Variants in PPP5C observed in about 807,000 individuals in gnomAD.
The protein encoded by PPP5C is serine/threonine-protein phosphatase 5.
A neutral mutation model predicts 66.7 loss-of-function variants in PPP5C; 21 were observed. The ratio of observed to expected loss-of-function variants is 0.31; its 90% CI spans 0.22 to 0.45. The LOEUF is 0.45. PPP5C is among the 20% of genes least tolerant of loss of function. The pLI is 1.00. For synonymous variants in PPP5C, 246 were observed against 257.4 expected, an observed-to-expected ratio of 0.96 and a Z score of 0.43; for missense variants, 464 against 675.9, an observed-to-expected ratio of 0.69 and a Z score of 3.48.
rs769047891 is a variant in PPP5C at position 46,353,996 on chromosome 19, T to C, written c.363+7T>C. On this transcript the variant is annotated splice_region_variant and intron_variant, in intron 2 of 12. Coordinates refer to ENST00000012443, the MANE Select transcript of PPP5C (RefSeq NM_006247.4). The stretch of plus-strand genomic sequence containing the variant: ...GCTGCGAGACTACGAGACGGTGAGC[T>C]GGGGAGTGGGCCAGGCCTGGCACCT... 6.2e-7 allele frequency: 1 copy of C among 1,610,470 alleles called. No homozygotes were observed. Among genetic ancestry groups the C allele is most frequent in the South Asian group, 1.1e-5 (1 of 90,512 alleles).
At chr19:46,385,960 AAAGT>A (rs1972877740) in intron 7 of PPP5C, among the ~76,000 whole-genome samples, 2 of 70,376 alleles carry the variant, frequency 2.8e-5, no homozygotes, top group South Asian at 7.2e-4. Flanking sequence ...AAAAAAAAAA[AAAGT>A]AAGAAACTTG....
intron 11 of PPP5C, among the ~76,000 whole-genome samples, chr19:46,389,256 A>G (rs975293905): frequency 1.3e-5 from 2 of 151,796 alleles, no homozygotes; most frequent in South Asian, 2.1e-4. Context: ...CCCGGGAGGT[A>G]GAGGTTGCAG....
In PPP5C at chr19:46,388,473, C is replaced by G; in HGVS notation, c.1176+25C>G. On this transcript the variant is annotated intron_variant, in intron 10 of 12. Coordinates refer to ENST00000012443, the MANE Select transcript of PPP5C (RefSeq NM_006247.4). The surrounding 1 kb of genome is among the most constrained non-coding windows in gnomAD (Gnocchi z 4.9). ...GGTGAGTCTAGGGTGGGGTGCAGGGCCGGCGGGTGTGGGCTGTGGCAGCAG... is the reference window on the plus strand; with the variant it reads ...GGTGAGTCTAGGGTGGGGTGCAGGGGCGGCGGGTGTGGGCTGTGGCAGCAG... The G allele has an allele frequency of 6.2e-7, 1 of 1,610,628 alleles. No individual in the cohort carries two copies. The highest frequency in any genetic ancestry group is 8.5e-7 in the Non-Finnish European group (1 of 1,177,568).
intron 2 of PPP5C, among the ~76,000 whole-genome samples, chr19:46,359,331 G>A (rs1972341414): frequency 6.6e-6 from 1 of 152,128 alleles, no homozygotes; most frequent in Non-Finnish European, 1.5e-5. Flanking sequence ...AGTAAAACAA[G>A]AAGATTAGTA....
chr19:46,362,182 C>T (rs987690705), intron 2 of PPP5C, among the ~76,000 whole-genome samples: 1 of 152,150 alleles, frequency 6.6e-6, no homozygotes, highest in Non-Finnish European at 1.5e-5. Context: ...AATTTTAACT[C>T]TTAGTGACCG....
chr19:46,353,866 C>T lies in PPP5C; in HGVS notation c.240C>T (p.Tyr80=), dbSNP rs542401677. The T allele has an allele frequency of 1.4e-5, 23 of 1,609,662 alleles. No individual in the cohort carries two copies. The highest frequency in any genetic ancestry group is 1.1e-4 in the African/African-American group (8 of 75,010). The part of the protein sequence containing the change: ...LAYLRTECYG[Y]ALGDATRAIE... Reference sequence around the variant, plus strand: ...ACCTGCGCACTGAGTGCTATGGCTACGCGCTGGGAGACGCCACGCGGGCCA... The same window carrying T: ...ACCTGCGCACTGAGTGCTATGGCTATGCGCTGGGAGACGCCACGCGGGCCA... Residue 80 remains tyrosine, a synonymous_variant, in exon 2 of 13, where the codon TAC becomes TAT. Transcript: ENST00000012443.
intron 1 of PPP5C, among the ~76,000 whole-genome samples, chr19:46,349,164 C>T (rs1022265749): frequency 4.6e-5 from 7 of 151,972 alleles, no homozygotes; most frequent in African/African-American, 1.7e-4. Flanking sequence ...TGTGGTGGCA[C>T]ACACCTGTAG....
Position 46,388,783 on chromosome 19 carries a change from T to G in PPP5C, c.1355+52T>G. On this transcript the variant is annotated intron_variant, in intron 11 of 12. Transcript: ENST00000012443. This position sits in a 1 kb window ranked among gnomAD's most constrained non-coding sequence, Gnocchi z 4.9. Reference sequence around the variant, plus strand: ...GCCTCTACCAAGCCACGGGTTTTTGTCTTGGTTTTTGTTTTGCCTTTTTAT... The same window carrying G: ...GCCTCTACCAAGCCACGGGTTTTTGGCTTGGTTTTTGTTTTGCCTTTTTAT... 1 of 1,574,788 alleles carries G rather than the reference T, an allele frequency of 6.4e-7. No individual in the cohort carries two copies. The highest frequency in any genetic ancestry group is 1.2e-5 in the South Asian group (1 of 86,494).
intron 2 of PPP5C, among the ~76,000 whole-genome samples, chr19:46,357,740 G>GA (rs1402840512): frequency 6.6e-6 from 1 of 152,220 alleles, no homozygotes; most frequent in Non-Finnish European, 1.5e-5. Context: ...CTGCTACAAA[G>GA]GATACAGATG....
intron 2 of PPP5C, 43 bp from the exon 3 acceptor site, chr19:46,375,561 C>T: frequency 3.1e-6 from 5 of 1,608,144 alleles, no homozygotes; most frequent in South Asian, 1.1e-5. Flanking sequence ...CCGCTGTGCC[C>T]CCACCTCAGC....
In PPP5C at chr19:46,383,714, C is replaced by A; in HGVS notation, c.700-66C>A. 7.5e-7 allele frequency: 1 copy of A among 1,329,530 alleles called. No individual in the cohort carries two copies. The highest frequency in any genetic ancestry group is 1.1e-6 in the Non-Finnish European group (1 of 925,812). 82.4% of individuals were successfully genotyped at this position (1,329,530 alleles called of 1,614,324 possible). ...TACTGTGAACTCTTACCCTTCCCCT[C>A]ACCTCTGCCCCCTCCCCACGTCTCT... On this transcript the variant is annotated intron_variant, in intron 5 of 12. Transcript: ENST00000012443. This position sits in a 1 kb window ranked among gnomAD's most constrained non-coding sequence, Gnocchi z 5.0.
chr19:46,387,127 C>T lies in PPP5C; in HGVS notation c.939C>T (p.Tyr313=), dbSNP rs138238332. Residue 313 remains tyrosine (Y), a synonymous_variant, in exon 8 of 13, where the codon TAC becomes TAT. Transcript: ENST00000012443. The part of the protein sequence containing the change: ...NHETDNMNQI[Y]GFEGEVKAKY... ...AGACAGACAACATGAACCAGATCTACGGTTTCGAGGGTGAGGTGAAGGCCA... is the reference window on the plus strand; with the variant it reads ...AGACAGACAACATGAACCAGATCTATGGTTTCGAGGGTGAGGTGAAGGCCA... 1.1e-5 allele frequency: 18 copies of T among 1,614,104 alleles called. No homozygotes were observed. The highest frequency in any genetic ancestry group is 5.0e-5 in the Admixed American group (3 of 60,008).
chr19:46,383,679 C>T lies in PPP5C; in HGVS notation c.700-101C>T, dbSNP rs547661162. 25 of 1,093,944 alleles carry T rather than the reference C, an allele frequency of 2.3e-5. No individual in the cohort carries two copies. In the East Asian group the frequency reaches 2.6e-4, roughly 11 times the overall value. The allele number at this position is 1,093,944 out of a possible 1,614,324, so 67.8% of individuals were successfully genotyped here. A position where few individuals can be genotyped will look rare whatever the true frequency, so the allele number is the denominator to read the frequency against. ...CCCTGCTTGTGTCTCTTGCATGATT[C>T]TTCTTGGTCTACTGTGAACTCTTAC... is the stretch of plus-strand genomic sequence containing the variant. On this transcript the variant is annotated intron_variant, in intron 5 of 12. Coordinates refer to ENST00000012443, the MANE Select transcript of PPP5C (RefSeq NM_006247.4). The surrounding 1 kb of genome is among the most constrained non-coding windows in gnomAD (Gnocchi z 5.0).
chr19:46,376,350 G>C lies in PPP5C; in HGVS notation c.512-103G>C, dbSNP rs1321847984. The C allele has an allele frequency of 5.8e-5, 85 of 1,469,874 alleles. No individual in the cohort carries two copies. The highest frequency in any genetic ancestry group is 7.6e-5 in the Non-Finnish European group (82 of 1,072,960). 91.1% of individuals were successfully genotyped at this position (1,469,874 alleles called of 1,614,324 possible). A position where few individuals can be genotyped will look rare whatever the true frequency, so the allele number is the denominator to read the frequency against. ...ACTCACTCTGTCCCGCTCTCGACCT[G>C]TGTGTCCACACCCAAGTTTTCCCCA... On this transcript the variant is annotated intron_variant, in intron 3 of 12. Transcript: ENST00000012443. This position sits in a 1 kb window ranked among gnomAD's most constrained non-coding sequence, Gnocchi z 5.1.
rs1972831585 is a variant in PPP5C at position 46,383,542 on chromosome 19, CAG to C, written c.699+69_699+70del. 1.7e-5 allele frequency: 25 copies of C among 1,462,726 alleles called. No individual in the cohort carries two copies. In the South Asian group the frequency reaches 3.1e-4, roughly 18 times the overall value. The allele number at this position is 1,462,726 out of a possible 1,614,324, so 90.6% of individuals were successfully genotyped here. On this transcript the variant is annotated intron_variant, in intron 5 of 12. Coordinates refer to ENST00000012443, the MANE Select transcript of PPP5C (RefSeq NM_006247.4). This position sits in a 1 kb window ranked among gnomAD's most constrained non-coding sequence, Gnocchi z 5.0. ...GGGCTCTCTGGCTGGGGAGGGGCCA[CAG>C]AGCTCAGGAACTCACGGATCCACCT...
chr19:46,347,142 C>A lies in PPP5C; in HGVS notation c.46C>A (p.Arg16=). Residue 16 remains arginine (R), a synonymous_variant, in exon 1 of 13, where the codon CGG becomes AGG. Transcript: ENST00000012443. ...GAGGACTGAGTGTGCTGAGCCCCCC[C>A]GGGACGAACCCCCGGCTGATGGAGC... ...GERTECAEPP[R]DEPPADGALK... is the part of the protein sequence containing the mutation. The A allele has an allele frequency of 6.2e-7, 1 of 1,604,954 alleles. No individual in the cohort carries two copies. The highest frequency in any genetic ancestry group is 2.2e-5 in the East Asian group (1 of 44,500).
In PPP5C at chr19:46,353,703, G is replaced by A. The variant is rs372189015; in HGVS notation, c.122-45G>A. The A allele has an allele frequency of 8.8e-5, 141 of 1,610,152 alleles. 1 individual carries two copies. The South Asian group carries it at 1.0e-3, about 12-fold the overall frequency. ...GTCACCCAGCCCAGGGCCTGTCCTC[G>A]CAGGGTTGGAGCACTGCCTCATGCC... On this transcript the variant is annotated intron_variant, in intron 1 of 12. Coordinates refer to ENST00000012443, the MANE Select transcript of PPP5C (RefSeq NM_006247.4).
At chr19:46,352,107 C>A (rs978010190) in intron 1 of PPP5C, among the ~76,000 whole-genome samples, 7 of 152,192 alleles carry the variant, frequency 4.6e-5, no homozygotes, top group African/African-American at 1.7e-4. Flanking sequence ...TCCATCTCTT[C>A]AACCAACTGA....
In PPP5C at chr19:46,376,581, C is replaced by T. The variant is rs1486156895; in HGVS notation, c.633+7C>T. On this transcript the variant is annotated splice_region_variant and intron_variant, in intron 4 of 12. Coordinates refer to ENST00000012443, the MANE Select transcript of PPP5C (RefSeq NM_006247.4). This position sits in a 1 kb window ranked among gnomAD's most constrained non-coding sequence, Gnocchi z 5.1. ...CCGGAAATGTGCCTACCAGGTAATG[C>T]ATCTGTCAGGTACTGGGCACCCGGG... is the stretch of plus-strand genomic sequence containing the variant. The T allele has an allele frequency of 3.1e-6, 5 of 1,612,724 alleles. No homozygotes were observed. In the African/African-American group the frequency reaches 6.7e-5, roughly 22 times the overall value.
Sources: allele counts gnomAD v4.1 joint callset (sites outside exome capture counted in the v4.1 genomes callset), GRCh38; gene constraint gnomAD v4.1.1; non-coding constraint Gnocchi (gnomAD v3.1); transcripts MANE v1.5; gene names NCBI Gene and HGNC (gene_info 2026-07-23, HGNC 2026-07-21).